The following CHL1 variants were observed in gnomAD, a reference collection of about 807,000 sequenced individuals.
CHL1 encodes the protein cell adhesion molecule L1 like, also known as neural cell adhesion molecule L1-like protein.
In CHL1, 96 loss-of-function variants were observed where a neutral mutation model predicts 141.9. The ratio of observed to expected loss-of-function variants is 0.68; its 90% CI spans 0.57 to 0.80. The LOEUF is 0.80. CHL1 is among the 30% of genes least tolerant of loss of function. CHL1 has a pLI of 0.00. For missense variants in CHL1, 1,820 were observed against 1,457.2 expected, an observed-to-expected ratio of 1.25 and a Z score of -4.05; for synonymous variants, 613 against 502.2, an observed-to-expected ratio of 1.22 and a Z score of -2.95.
rs55906121 is a variant in CHL1, at chr3:349,735, G to T, written c.1033+192G>T. On this transcript the variant is annotated intron_variant, in intron 10 of 27. Transcript: ENST00000256509. Reference sequence around the variant, plus strand: ...ATTTACGCCCCAAAATGACATAGAAGGGACAAATGACAAGAAAAGATCTCA... The same window carrying T: ...ATTTACGCCCCAAAATGACATAGAATGGACAAATGACAAGAAAAGATCTCA... 2.8e-3 allele frequency among the ~76,000 whole-genome samples: 430 copies of T among 152,200 alleles called. 2 individuals are homozygous for T. Among genetic ancestry groups the T allele is most frequent in the African/African-American group, 9.8e-3 (405 of 41,538 alleles).
intron 2 of CHL1, among the ~76,000 whole-genome samples, chr3:306,057 AG>A (rs1699201399): frequency 6.6e-6 from 1 of 152,178 alleles, no homozygotes; most frequent in African/African-American, 2.4e-5. Flanking sequence ...AAAATGACAT[AG>A]TAACTGATAT....
At chr3:252,392 A>ATATATATATATG (rs1559339212) in intron 2 of CHL1, among the ~76,000 whole-genome samples, 2 of 136,312 alleles carry the variant, frequency 1.5e-5, no homozygotes, top group African/African-American at 5.4e-5. Flanking sequence ...ATATATATAT[A>ATATATATATATG]TATATATATT....
intron 2 of CHL1, among the ~76,000 whole-genome samples, chr3:287,439 T>G (rs1380506481): frequency 6.6e-6 from 1 of 152,202 alleles, no homozygotes; most frequent in Non-Finnish European, 1.5e-5. Context: ...CTTATATAAA[T>G]TTGTGCTGAG....
At chr3:369,993 G>T (rs1177566248) in intron 15 of CHL1, among the ~76,000 whole-genome samples, 2 of 152,086 alleles carry the variant, frequency 1.3e-5, no homozygotes, top group South Asian at 2.1e-4. Context: ...TGCTGGATTT[G>T]GTCTGCCAGT....
intron 16 of CHL1, among the ~76,000 whole-genome samples, chr3:380,995 A>T (rs1230096013): frequency 1.3e-5 from 2 of 152,172 alleles, no homozygotes; most frequent in Non-Finnish European, 2.9e-5. Context: ...TTCATTTGAG[A>T]TACATCATGT....
Position 351,334 on chromosome 3 carries a change from A to G in CHL1, c.1033+1791A>G, listed in dbSNP as rs549699734. Among the ~76,000 whole-genome samples, 20 of 152,316 alleles carry G rather than the reference A, an allele frequency of 1.3e-4. No individual in the cohort carries two copies. The South Asian group carries it at 3.1e-3, about 24-fold the overall frequency. On this transcript the variant is annotated intron_variant, in intron 10 of 27. Coordinates refer to ENST00000256509, the MANE Select transcript of CHL1 (RefSeq NM_006614.4). ...GATGTAAATGATGTTTTTATGAAGA[A>G]CTTTTAATCCTCTCTCTTTAGTAAG...
intron 11 of CHL1, 116 bp from the exon 12 acceptor site, chr3:360,168 T>C (rs900930160): frequency 1.1e-5 from 12 of 1,107,344 alleles, no homozygotes; most frequent in Non-Finnish European, 6.3e-6. Flanking sequence ...CAATGAACTA[T>C]TAGTCACCCT....
chr3:312,726 G>A (rs910236512), intron 2 of CHL1, among the ~76,000 whole-genome samples: 1 of 152,154 alleles, frequency 6.6e-6, no homozygotes, highest in African/African-American at 2.4e-5. Flanking sequence ...ATGTCAAATG[G>A]CTTTATATAA....
At chr3:394,641 CA>C in intron 23 of CHL1, 51 bp from the exon 24 acceptor site, 1 of 1,289,124 alleles carries the variant, frequency 7.8e-7, no homozygotes, top group Non-Finnish European at 1.1e-6. Flanking sequence ...ATGAAGAATG[CA>C]ACTTGAATGG....
At chr3:293,206 CA>C (rs938710018) in intron 2 of CHL1, among the ~76,000 whole-genome samples, 7 of 151,970 alleles carry the variant, frequency 4.6e-5, no homozygotes, top group African/African-American at 1.2e-4. Flanking sequence ...GAATAAACTA[CA>C]AAAAAAACTT....
chr3:275,618 A>G (rs1364243607), intron 2 of CHL1, among the ~76,000 whole-genome samples: 1 of 152,192 alleles, frequency 6.6e-6, no homozygotes, highest in Non-Finnish European at 1.5e-5. Context: ...CATCATAGGC[A>G]GGGAAGAGTA....
At chr3:400,879 G>C (rs1709070425) in intron 26 of CHL1, among the ~76,000 whole-genome samples, 1 of 143,770 alleles carries the variant, frequency 7.0e-6, no homozygotes, top group South Asian at 2.3e-4. Context: ...TAAGAGTGAT[G>C]TATAACAACC....
chr3:369,416 A>G (rs1243394993), intron 15 of CHL1, among the ~76,000 whole-genome samples: 2 of 152,172 alleles, frequency 1.3e-5, no homozygotes, highest in Non-Finnish European at 2.9e-5. Context: ...TTGCTGGTGT[A>G]AAGGAATGCT....
At chr3:281,559 CTTTTTTTTTT>C (rs71619446) in intron 2 of CHL1, among the ~76,000 whole-genome samples, 1 of 135,320 alleles carries the variant, frequency 7.4e-6, no homozygotes, top group African/African-American at 2.8e-5. Flanking sequence ...CAATTTGTAC[CTTTTTTTTTT>C]TTTTTTTTGA....
rs780870627 is a variant in CHL1 at position 382,596 on chromosome 3, A to T, written c.2101A>T (p.Arg701Trp). Reference sequence around the variant, plus strand: ...GGCTCCATTTGTGAGATACCAGTTCAGGGTCATAGCCGTGAACGAAGTAGG... The same window carrying T: ...GGCTCCATTTGTGAGATACCAGTTCTGGGTCATAGCCGTGAACGAAGTAGG... Reference protein sequence around the residue: ...PLAPFVRYQFRVIAVNEVGRS... With the variant: ...PLAPFVRYQFWVIAVNEVGRS... Residue 701 changes from arginine (R) to tryptophan (W), a missense_variant, in exon 18 of 28, where the codon AGG (arginine) becomes TGG (tryptophan). Arg to Trp is a moderately radical substitution (Grantham distance 101). Transcript: ENST00000256509. 3 of 1,614,000 alleles carry T rather than the reference A, an allele frequency of 1.9e-6. No individual in the cohort carries two copies. The highest frequency in any genetic ancestry group is 3.3e-5 in the Admixed American group (2 of 59,982).
intron 2 of CHL1, among the ~76,000 whole-genome samples, chr3:305,893 G>C (rs775153802): frequency 1.3e-5 from 2 of 151,910 alleles, no homozygotes; most frequent in South Asian, 2.1e-4. Flanking sequence ...AAAATGGTAC[G>C]TGATGATAAA....
chr3:231,968 A>T (rs1389761801), intron 1 of CHL1, among the ~76,000 whole-genome samples: 1 of 152,182 alleles, frequency 6.6e-6, no homozygotes, highest in Non-Finnish European at 1.5e-5. Context: ...TATTTTAATG[A>T]ATGGTTTCCA....
chr3:344,850 T>A, intron 9 of CHL1, 141 bp downstream of exon 9: 1 of 798,580 alleles, frequency 1.3e-6, no homozygotes, highest in Non-Finnish European at 1.9e-6. Context: ...GCACTGCAGA[T>A]ATTCTGCTCA....
intron 2 of CHL1, among the ~76,000 whole-genome samples, chr3:299,690 C>A (rs1466786406): frequency 6.6e-6 from 1 of 152,118 alleles, no homozygotes; most frequent in Non-Finnish European, 1.5e-5. Context: ...AAACCCATCC[C>A]TCTCCATGAC....
Sources: allele counts gnomAD v4.1 joint callset (sites outside exome capture counted in the v4.1 genomes callset), GRCh38; gene constraint gnomAD v4.1.1; transcripts MANE v1.5; gene names NCBI Gene and HGNC (gene_info 2026-07-23, HGNC 2026-07-21).